The following NOTCH2 variants were observed in gnomAD, a reference collection of about 807,000 sequenced individuals.
NOTCH2 encodes notch receptor 2, also known as neurogenic locus notch homolog protein 2.
In NOTCH2, 29 loss-of-function variants were observed where a neutral mutation model predicts 235.8. The ratio of observed to expected loss-of-function variants is 0.12; its 90% CI spans 0.09 to 0.17. The LOEUF (loss-of-function observed/expected upper bound fraction) is 0.17, where lower values mean the gene tolerates loss of function less well. Ranked by LOEUF, NOTCH2 falls within the 10% of genes least tolerant of loss-of-function variation. NOTCH2 has a pLI of 1.00. For missense variants in NOTCH2, 2,285 were observed against 3,150.2 expected, an observed-to-expected ratio of 0.73 and a Z score of 6.57; for synonymous variants, 1,086 against 1,141.5, an observed-to-expected ratio of 0.95 and a Z score of 0.98.
intron 22 of NOTCH2, chr1:119,935,162 C>A: frequency 8.1e-7 from 1 of 1,230,072 alleles, no homozygotes; most frequent in Non-Finnish European, 1.0e-6. Context: ...TTCTGTGAAG[C>A]AACAAGAAAT....
chr1:119,936,142 G>C (rs1570672591), intron 21 of NOTCH2, among the ~76,000 whole-genome samples: 1 of 152,272 alleles, frequency 6.6e-6, no homozygotes, highest in African/African-American at 2.4e-5. Context: ...TTTCAGGGCT[G>C]ACCAAGAAAA....
chr1:119,942,712 C>A (rs6697258), intron 17 of NOTCH2, among the ~76,000 whole-genome samples: 7,168 of 152,190 alleles, frequency 0.047, 234 homozygotes, highest in Non-Finnish European at 0.076. Context: ...CCACTTCATA[C>A]AGAAAAATTT....
At chr1:120,009,627 A>G (rs587602438) in intron 2 of NOTCH2, among the ~76,000 whole-genome samples, 7 of 152,112 alleles carry the variant, frequency 4.6e-5, no homozygotes, top group Admixed American at 3.9e-4. Flanking sequence ...ACTGTTTTCT[A>G]AAAACAATGA....
At chr1:119,979,822 G>A (rs1553201426) in intron 5 of NOTCH2, among the ~76,000 whole-genome samples, 3 of 152,114 alleles carry the variant, frequency 2.0e-5, no homozygotes, top group South Asian at 4.1e-4. Context: ...TCTAGTGAGT[G>A]AGTGAAAGCT....
Position 119,915,307 on chromosome 1 carries a change from C to A in NOTCH2, c.7415G>T (p.Ter2472LeuextTer7). The A allele has an allele frequency of 6.2e-7, 1 of 1,612,944 alleles. No homozygotes were observed. ...PPHNNMQVYA* is the reference protein window; with the variant it reads ...PPHNNMQVYAL ...TCTCTACACTGGAGGTGGACTCTCTCACGCATAAACCTGCATGTTGTTGTG... is the reference window on the plus strand; with the variant it reads ...TCTCTACACTGGAGGTGGACTCTCTAACGCATAAACCTGCATGTTGTTGTG... Residue 2472 changes from the stop codon to leucine, a stop_lost, in exon 34 of 34, where the codon TGA becomes TTA. Coordinates refer to ENST00000256646, the MANE Select transcript of NOTCH2 (RefSeq NM_024408.4).
At chr1:119,997,959 G>A (rs587647017) in intron 3 of NOTCH2, among the ~76,000 whole-genome samples, 2 of 139,536 alleles carry the variant, frequency 1.4e-5, no homozygotes, top group African/African-American at 2.9e-5. Flanking sequence ...GGGCGACACA[G>A]CAAGACTCTA....
chr1:120,014,924 C>T (rs1283919430), intron 2 of NOTCH2, among the ~76,000 whole-genome samples: 24 of 140,036 alleles, frequency 1.7e-4, no homozygotes, highest in East Asian at 1.0e-3. Context: ...TTTTCTCCAC[C>T]GAATGTTCTG....
At chr1:120,012,651 A>T (rs1426865953) in intron 2 of NOTCH2, among the ~76,000 whole-genome samples, 2 of 152,162 alleles carry the variant, frequency 1.3e-5, no homozygotes, top group Non-Finnish European at 1.5e-5. Context: ...ATAGCACTGA[A>T]AAGGACACCA....
At chr1:120,024,057 T>C (rs1263200727) in intron 2 of NOTCH2, among the ~76,000 whole-genome samples, 2 of 151,446 alleles carry the variant, frequency 1.3e-5, no homozygotes, top group Admixed American at 6.6e-5. Flanking sequence ...CAGCATTCTT[T>C]GTTTTATGTT....
chr1:120,065,649 G>C (rs587655767), intron 1 of NOTCH2, among the ~76,000 whole-genome samples: 3 of 152,212 alleles, frequency 2.0e-5, no homozygotes, highest in East Asian at 3.9e-4. Flanking sequence ...TAACAGACCT[G>C]GAGAAGAATT....
chr1:119,996,614 G>C lies in NOTCH2; in HGVS notation c.751+383C>G, dbSNP rs587745182. ...GGAAAGTTGATCACCTACTGTTAATGTCAATTCAGTTTAAAGCACTTTATT... is the reference window on the plus strand; with the variant it reads ...GGAAAGTTGATCACCTACTGTTAATCTCAATTCAGTTTAAAGCACTTTATT... On this transcript the variant is annotated intron_variant, in intron 4 of 33. Transcript: ENST00000256646. The C allele has an allele frequency of 7.4e-6, 6 of 815,886 alleles. No homozygotes were observed. The Admixed American group carries it at 1.0e-4, about 14-fold the overall frequency. The allele number at this position is 815,886 out of a possible 1,614,324, so 50.5% of individuals were successfully genotyped here. A position where few individuals can be genotyped will look rare whatever the true frequency, so the allele number is the denominator to read the frequency against.
At chr1:119,987,172 A>C in intron 4 of NOTCH2, 90 bp from the exon 5 acceptor site, 1 of 1,502,888 alleles carries the variant, frequency 6.7e-7, no homozygotes, top group Non-Finnish European at 9.2e-7. Context: ...ATTAGAATAG[A>C]CCCGCTTCAT....
In NOTCH2 at chr1:119,929,199, T is replaced by C. The variant is rs782351181; in HGVS notation, c.3669A>G (p.Glu1223=). The change falls in exon 23 of 34, where the codon GAA becomes GAG. Residue 1223 remains glutamate, a synonymous_variant. Coordinates refer to ENST00000256646, the MANE Select transcript of NOTCH2 (RefSeq NM_024408.4). The part of the protein sequence containing the change: ...CPPGTRGLLC[E]ENIDDCARGP... ...CCCGGGCACAGTCATCAATGTTCTC[T>C]TCACAGAGTAGGCCTGGAGGAAAGA... 6 of 1,612,748 alleles carry C rather than the reference T, an allele frequency of 3.7e-6. No homozygotes were observed. Among genetic ancestry groups the C allele is most frequent in the Non-Finnish European group, 5.1e-6 (6 of 1,178,694 alleles).
At chr1:120,011,909 G>A (rs71233687) in intron 2 of NOTCH2, among the ~76,000 whole-genome samples, 14 of 149,948 alleles carry the variant, frequency 9.3e-5, no homozygotes, top group African/African-American at 2.5e-4. Flanking sequence ...CCAGCTACTC[G>A]GGAGGCTGAG....
At position 119,921,766 on chromosome 1, in the gene NOTCH2, C is replaced by T. The variant is rs1251293693; in HGVS notation, c.5257G>A (p.Gly1753Arg). ...TCATCGACCCAGTGTTCACTTGTTCCAGTACCAATTAGGTTAGCTTCTGAG... is the reference window on the plus strand; with the variant it reads ...TCATCGACCCAGTGTTCACTTGTTCTAGTACCAATTAGGTTAGCTTCTGAG... ...QVSEANLIGT[G>R]TSEHWVDDEG... The change falls in exon 29 of 34, where the codon GGA (glycine) becomes AGA (arginine). Residue 1753 changes from glycine (G) to arginine (R), a missense_variant. Gly to Arg is a moderately radical substitution (Grantham distance 125, BLOSUM62 -2). Around this residue, in one of 6 missense-constraint regions of NOTCH2, gnomAD observed 1,173 missense variants for 1,515.3 expected, o/e 0.77. Transcript: ENST00000256646. 1.9e-6 allele frequency: 3 copies of T among 1,614,172 alleles called. No homozygotes were observed. The highest frequency in any genetic ancestry group is 2.5e-6 in the Non-Finnish European group (3 of 1,180,008).
chr1:119,941,672 C>T lies in NOTCH2; in HGVS notation c.2835G>A (p.Lys945=), dbSNP rs781814476. The change falls in exon 18 of 34, where the codon AAG becomes AAA. Residue 945 remains lysine (K), a synonymous_variant. Transcript: ENST00000256646. ...CLCLPGFTGD[K]CQTDMNECLS... ...GACACTCATTCATGTCTGTCTGGCACTTATCCCCAGTGAAACCCGGAAGGC... is the reference window on the plus strand; with the variant it reads ...GACACTCATTCATGTCTGTCTGGCATTTATCCCCAGTGAAACCCGGAAGGC... 6.2e-6 allele frequency: 10 copies of T among 1,614,206 alleles called. No homozygotes were observed. Among genetic ancestry groups the T allele is most frequent in the Non-Finnish European group, 8.5e-6 (10 of 1,180,032 alleles).
chr1:119,931,445 T>C (rs943975616), intron 22 of NOTCH2, among the ~76,000 whole-genome samples: 1 of 151,846 alleles, frequency 6.6e-6, no homozygotes, highest in Non-Finnish European at 1.5e-5. Context: ...GAGACCCCAC[T>C]AAAAATTATC....
In NOTCH2 at chr1:119,968,290, GCTTTCT is replaced by G. The variant is rs1570700933; in HGVS notation, c.1109-64_1109-59del. 2.6e-6 allele frequency: 4 copies of G among 1,561,338 alleles called. No individual in the cohort carries two copies. In the East Asian group the frequency reaches 9.1e-5, roughly 35 times the overall value. On this transcript the variant is annotated intron_variant, in intron 6 of 33. Transcript: ENST00000256646. ...GAAAATGTCTCTCACTTGGGGAAGA[GCTTTCT>G]CTTTCACCCAGGAGGGAAAACCTCA...
At chr1:119,936,739 T>C (rs186412728) in intron 21 of NOTCH2, among the ~76,000 whole-genome samples, 1 of 152,354 alleles carries the variant, frequency 6.6e-6, no homozygotes, top group African/African-American at 2.4e-5. Context: ...TCTTGCTTGC[T>C]CTAACCATTA....
Sources: gnomAD v4.1 joint callset for allele counts (sites outside exome capture counted in the v4.1 genomes callset) on GRCh38, gnomAD v4.1.1 for gene constraint, gnomAD v4.1.1 regional missense constraint, MANE v1.5 for transcripts, NCBI Gene and HGNC (gene_info 2026-07-23, HGNC 2026-07-21) for gene names.